SERGEF: variants seen among roughly 807,000 people sequenced by gnomAD.
SERGEF encodes secretion regulating guanine nucleotide exchange factor.
Under a neutral mutation model 50.0 loss-of-function variants are expected in SERGEF, and 51 were observed. The ratio of observed to expected loss-of-function variants is 1.02; its 90% confidence interval spans 0.81 to 1.29. The LOEUF (loss-of-function observed/expected upper bound fraction) is 1.29, where lower values mean the gene tolerates loss of function less well. Among genes scored for constraint, SERGEF ranks in the 50% most tolerant of loss-of-function variants. The pLI is 0.00. For synonymous variants in SERGEF, 205 were observed against 212.4 expected, an observed-to-expected ratio of 0.97 and a Z score of 0.30; for missense variants, 521 against 557.0, an observed-to-expected ratio of 0.94 and a Z score of 0.65.
At chr11:17,956,551 T>C (rs1391598733) in intron 9 of SERGEF, among the ~76,000 whole-genome samples, 1 of 152,182 alleles carries the variant, frequency 6.6e-6, no homozygotes, top group East Asian at 1.9e-4. Flanking sequence ...TAAATAACTT[T>C]GTGTTTCTTT....
At position 18,013,004 on chromosome 11, in the gene SERGEF, G is replaced by T. The variant is rs1418703158; in HGVS notation, c.7C>A (p.Arg3Ser). ...GCGGCCTCCGAGGCGCTGGGCTCGC[G>T]CTCCATGCGAGGACGCTCCGCCGGC... ME[R>S]EPSASEAAPA... The change falls in exon 1 of 11, where the codon CGC (arginine) becomes AGC (serine). Residue 3 changes from arginine to serine, a missense_variant. Physicochemically the swap from Arg to Ser is moderately radical, Grantham distance 110. Coordinates refer to ENST00000265965, the MANE Select transcript of SERGEF (RefSeq NM_012139.4). The surrounding 1 kb of genome is among the most constrained non-coding windows in gnomAD (Gnocchi z 4.3). 3 of 1,429,470 alleles carry T rather than the reference G, an allele frequency of 2.1e-6. No homozygotes were observed. The highest frequency in any genetic ancestry group is 2.9e-5 in the South Asian group (2 of 69,748). 88.5% of individuals were successfully genotyped at this position (1,429,470 alleles called of 1,614,324 possible). A position where few individuals can be genotyped will look rare whatever the true frequency, so the allele number is the denominator to read the frequency against.
intron 10 of SERGEF, chr11:17,877,917 C>T (rs1851266921): frequency 3.4e-6 from 1 of 292,798 alleles, no homozygotes; most frequent in Admixed American, 5.1e-5. Flanking sequence ...GTCTGGCTTT[C>T]TACACATGGT....
At chr11:17,935,004 T>C (rs1852424373) in intron 9 of SERGEF, among the ~76,000 whole-genome samples, 1 of 152,174 alleles carries the variant, frequency 6.6e-6, no homozygotes, top group South Asian at 2.1e-4. Flanking sequence ...TGCTCCTGGA[T>C]GTGCCTCAGG....
chr11:17,829,945 G>T (rs1057076647), intron 10 of SERGEF, among the ~76,000 whole-genome samples: 1 of 152,198 alleles, frequency 6.6e-6, no homozygotes. Flanking sequence ...ATTGATGACA[G>T]AATTTAATGG....
At chr11:17,875,077 T>C (rs1479167401) in intron 10 of SERGEF, among the ~76,000 whole-genome samples, 1 of 152,230 alleles carries the variant, frequency 6.6e-6, no homozygotes, top group Admixed American at 6.5e-5. Flanking sequence ...AAGCCACTTA[T>C]ACAGGTTACA....
intron 10 of SERGEF, chr11:17,855,201 G>A (rs1244688808): frequency 6.6e-6 from 1 of 152,172 alleles, no homozygotes; most frequent in Non-Finnish European, 1.5e-5. Context: ...CCTATATAAA[G>A]TAAAGCGGGG....
At chr11:17,987,783 G>T (rs534558331) in intron 8 of SERGEF, among the ~76,000 whole-genome samples, 52 of 152,238 alleles carry the variant, frequency 3.4e-4, no homozygotes, top group Non-Finnish European at 7.1e-4. Flanking sequence ...TAGATATTTG[G>T]GAGTCTAGAG....
intron 9 of SERGEF, among the ~76,000 whole-genome samples, chr11:17,912,942 G>T (rs1255839393): frequency 6.6e-6 from 1 of 152,152 alleles, no homozygotes; most frequent in African/African-American, 2.4e-5. Context: ...TTAATTCATA[G>T]GACTGCTGTG....
At chr11:17,907,032 C>T (rs1851859614) in intron 9 of SERGEF, among the ~76,000 whole-genome samples, 1 of 152,126 alleles carries the variant, frequency 6.6e-6, no homozygotes, top group African/African-American at 2.4e-5. Context: ...TTCTTCTCCT[C>T]GCCCAGTCCA....
chr11:17,961,871 C>T (rs543957911), intron 8 of SERGEF, among the ~76,000 whole-genome samples: 41 of 152,262 alleles, frequency 2.7e-4, no homozygotes, highest in African/African-American at 9.4e-4. Flanking sequence ...ACAGAAGAGA[C>T]CCTTTTATTT....
chr11:17,827,217 A>G (rs541589200), intron 10 of SERGEF, among the ~76,000 whole-genome samples: 1 of 152,270 alleles, frequency 6.6e-6, no homozygotes, highest in African/African-American at 2.4e-5. Context: ...AACCATTATG[A>G]TAAGAGGAAA....
In SERGEF at chr11:17,793,489, A is replaced by G. The variant is rs557843492; in HGVS notation, c.1049-5076T>C. ...TTTCAGGGGCACAATGAAGCTGGCA[A>G]GGCCCTCCAGACTCAGCAAGATGCT... On this transcript the variant is annotated intron_variant, in intron 10 of 10. Transcript: ENST00000265965. 1.7e-4 allele frequency among the ~76,000 whole-genome samples: 26 copies of G among 152,346 alleles called. No homozygotes were observed. In the South Asian group the frequency reaches 5.4e-3, roughly 32 times the overall value.
intron 9 of SERGEF, among the ~76,000 whole-genome samples, chr11:17,932,249 G>A (rs1852367530): frequency 6.6e-6 from 1 of 152,210 alleles, no homozygotes; most frequent in African/African-American, 2.4e-5. Context: ...GCGGCCTAAG[G>A]CCCTAGGCCT....
intron 9 of SERGEF, among the ~76,000 whole-genome samples, chr11:17,898,334 A>G (rs1590185118): frequency 6.6e-6 from 1 of 152,322 alleles, no homozygotes; most frequent in African/African-American, 2.4e-5. Context: ...ACAGACTGTC[A>G]GGAAGCTACT....
intron 9 of SERGEF, among the ~76,000 whole-genome samples, chr11:17,956,079 T>C (rs1017704948): frequency 6.6e-6 from 1 of 152,168 alleles, no homozygotes; most frequent in Non-Finnish European, 1.5e-5. Context: ...AGGCCCAGTA[T>C]CTAAGGTAAA....
At chr11:17,817,101 G>C (rs1849987690) in intron 10 of SERGEF, among the ~76,000 whole-genome samples, 1 of 152,164 alleles carries the variant, frequency 6.6e-6, no homozygotes, top group Non-Finnish European at 1.5e-5. Context: ...TTACACAGCT[G>C]CTAGGGTCTA....
chr11:17,904,018 G>A (rs1302660565), intron 9 of SERGEF, among the ~76,000 whole-genome samples: 1 of 152,250 alleles, frequency 6.6e-6, no homozygotes, highest in Non-Finnish European at 1.5e-5. Context: ...CAACTGCTCT[G>A]TGTGCCTAGA....
intron 10 of SERGEF, among the ~76,000 whole-genome samples, chr11:17,828,167 TTGAG>T (rs1442409282): frequency 6.6e-6 from 1 of 152,206 alleles, no homozygotes. Context: ...GTCTGTATCC[TTGAG>T]TGAGTAAGTC....
chr11:17,974,042 G>A (rs184307825), intron 8 of SERGEF, among the ~76,000 whole-genome samples: 2 of 152,314 alleles, frequency 1.3e-5, no homozygotes, highest in African/African-American at 2.4e-5. Flanking sequence ...AGTAGATGGT[G>A]TGACAAATGC....
Sources: allele counts gnomAD v4.1 joint callset (sites outside exome capture counted in the v4.1 genomes callset), GRCh38; gene constraint gnomAD v4.1.1; non-coding constraint Gnocchi (gnomAD v3.1); transcripts MANE v1.5; gene names NCBI Gene and HGNC (gene_info 2026-07-23, HGNC 2026-07-21).